Variants in PACS1 observed in about 807,000 individuals in gnomAD.
PACS1 encodes the protein phosphofurin acidic cluster sorting protein 1.
In PACS1, 24 loss-of-function variants were observed where a neutral mutation model predicts 115.0. The observed-to-expected ratio is 0.21, with a 90% CI of 0.15 to 0.29. The LOEUF (loss-of-function observed/expected upper bound fraction) is 0.29, where lower values mean the gene tolerates loss of function less well. PACS1 is among the 10% of genes least tolerant of loss of function. The probability of loss-of-function intolerance (pLI) is 1.00; values close to 1 mark genes in which losing one functional copy is unlikely to be tolerated. For synonymous variants in PACS1, 453 were observed against 504.5 expected (o/e 0.90, Z 1.37); for missense variants, 838 against 1,251.2 (o/e 0.67, Z 4.98).
rs565673155 is a variant in PACS1 at position 66,070,987 on chromosome 11, G to A, written c.356+145G>A. On this transcript the variant is annotated intron_variant, in intron 1 of 23. Coordinates refer to ENST00000320580, the MANE Select transcript of PACS1 (RefSeq NM_018026.4). The surrounding 1 kb of genome is among the most constrained non-coding windows in gnomAD (Gnocchi z 5.9). ...CGGCCTGGCTCCAGCCAGGCCTCCC[G>A]GGACTCCTGCCACGGGGACCCGCCC... 2.4e-6 allele frequency: 2 copies of A among 847,742 alleles called. No homozygotes were observed. Among genetic ancestry groups the A allele is most frequent in the East Asian group, 7.1e-5 (2 of 28,346 alleles). 52.5% of individuals were successfully genotyped at this position (847,742 alleles called of 1,614,324 possible).
chr11:66,157,715 C>A (rs1565127897), intron 1 of PACS1, among the ~76,000 whole-genome samples: 2 of 151,990 alleles, frequency 1.3e-5, no homozygotes, highest in Non-Finnish European at 2.9e-5. Context: ...TCACAGACAC[C>A]ATCTCTGCCC....
chr11:66,080,474 G>A (rs544727623), intron 1 of PACS1, among the ~76,000 whole-genome samples: 3 of 152,182 alleles, frequency 2.0e-5, no homozygotes, highest in Non-Finnish European at 2.9e-5. Flanking sequence ...TGACAGTTGC[G>A]CTGATGCTCG....
At chr11:66,219,615 A>C (rs561337012) in intron 7 of PACS1, 131 bp from the exon 8 acceptor site, 1 of 775,426 alleles carries the variant, frequency 1.3e-6, no homozygotes, top group South Asian at 1.4e-5. Context: ...TGCCAAGGGC[A>C]GAGACCAAGT....
Position 66,230,891 on chromosome 11 carries a change from C to T in PACS1, c.1577C>T (p.Thr526Ile). The T allele has an allele frequency of 6.2e-7, 1 of 1,614,212 alleles. No individual in the cohort carries two copies. The highest frequency in any genetic ancestry group is 1.1e-5 in the South Asian group (1 of 91,088). Residue 526 changes from threonine to isoleucine, a missense_variant, in exon 13 of 24, where the codon ACC becomes ATC. Physicochemically the swap from Thr to Ile is moderately conservative, Grantham distance 89 (BLOSUM62 -1). Coordinates refer to ENST00000320580, the MANE Select transcript of PACS1 (RefSeq NM_018026.4). ...CTCTCCAAGCCCCTAAGTGAGAGGA[C>T]CAACAGTTCCGACAGCGAGCGCTCC... ...RQLSKPLSER[T>I]NSSDSERSPD...
intron 1 of PACS1, among the ~76,000 whole-genome samples, chr11:66,139,004 T>A (rs1415018851): frequency 6.6e-6 from 1 of 151,970 alleles, no homozygotes; most frequent in African/African-American, 2.4e-5. Flanking sequence ...TTAAACAGGT[T>A]CCCCAGGCGA....
chr11:66,231,213 C>T (rs1317217801), intron 13 of PACS1, among the ~76,000 whole-genome samples: 1 of 152,230 alleles, frequency 6.6e-6, no homozygotes, highest in Non-Finnish European at 1.5e-5. Context: ...CTGCGAGTGT[C>T]GATTCCACAC....
chr11:66,084,522 C>T (rs998279095), intron 1 of PACS1, among the ~76,000 whole-genome samples: 4 of 151,122 alleles, frequency 2.6e-5, no homozygotes, highest in Non-Finnish European at 5.9e-5. Flanking sequence ...GCAGGGAGTC[C>T]GGTCAGGGGG....
chr11:66,157,971 T>C (rs1387766997), intron 1 of PACS1, among the ~76,000 whole-genome samples: 1 of 152,232 alleles, frequency 6.6e-6, no homozygotes, highest in African/African-American at 2.4e-5. Flanking sequence ...GCACCTCTTT[T>C]GTTTTTTGAG....
chr11:66,129,387 G>A (rs964018923), intron 1 of PACS1, among the ~76,000 whole-genome samples: 1 of 149,956 alleles, frequency 6.7e-6, no homozygotes, highest in Non-Finnish European at 1.5e-5. Context: ...AGCTGAGATC[G>A]CACCACTGCA....
At chr11:66,207,008 A>T (rs1854955741) in intron 2 of PACS1, among the ~76,000 whole-genome samples, 1 of 152,242 alleles carries the variant, frequency 6.6e-6, no homozygotes, top group South Asian at 2.1e-4. Context: ...ACTAAGCTGC[A>T]GTTGTTATCA....
intron 7 of PACS1, chr11:66,217,032 A>G: frequency 2.1e-6 from 1 of 484,976 alleles, no homozygotes; most frequent in South Asian, 2.3e-5. Flanking sequence ...CTTCTTGTAG[A>G]ATTCAGAACA....
chr11:66,195,088 C>T (rs1267100230), intron 2 of PACS1, among the ~76,000 whole-genome samples: 2 of 151,956 alleles, frequency 1.3e-5, no homozygotes, highest in African/African-American at 4.8e-5. Flanking sequence ...GCCAGGCGTG[C>T]ATGTAGTTCC....
At chr11:66,116,836 G>A (rs1300876902) in intron 1 of PACS1, among the ~76,000 whole-genome samples, 1 of 150,678 alleles carries the variant, frequency 6.6e-6, no homozygotes, top group Non-Finnish European at 1.5e-5. Context: ...TTTGCAGTGA[G>A]CTAAGATCGT....
intron 1 of PACS1, among the ~76,000 whole-genome samples, chr11:66,157,297 C>A (rs1859384350): frequency 6.6e-6 from 1 of 152,048 alleles, no homozygotes; most frequent in African/African-American, 2.4e-5. Context: ...AGAATTTTTC[C>A]CTACAAAATT....
chr11:66,160,581 C>T (rs540436619), intron 1 of PACS1, among the ~76,000 whole-genome samples: 1 of 151,690 alleles, frequency 6.6e-6, no homozygotes, highest in East Asian at 1.9e-4. Context: ...ACTGTATCCT[C>T]AATCTCCTGG....
intron 1 of PACS1, among the ~76,000 whole-genome samples, chr11:66,080,759 A>G (rs1857464121): frequency 6.6e-6 from 1 of 152,216 alleles, no homozygotes; most frequent in Admixed American, 6.5e-5. Context: ...ATTCTTTGCC[A>G]GCTGGAATTA....
intron 1 of PACS1, among the ~76,000 whole-genome samples, chr11:66,120,767 G>C (rs147052162): frequency 6.6e-6 from 1 of 152,282 alleles, no homozygotes; most frequent in African/African-American, 2.4e-5. Context: ...TGGTACCTAA[G>C]TAGTGCCACT....
rs898025935 is a variant in PACS1, at chr11:66,093,190, A to C, written c.356+22348A>C. Among the ~76,000 whole-genome samples, 181 of 152,198 alleles carry C rather than the reference A, an allele frequency of 1.2e-3. 1 individual carries two copies. Among genetic ancestry groups the C allele is most frequent in the Non-Finnish European group, 1.7e-3 (119 of 68,004 alleles). ...ATTTGTTTGTATCCTCTTTTATTTC[A>C]TTGAGCAGTGGTTTGTAGTTCTCCT... On this transcript the variant is annotated intron_variant, in intron 1 of 23. Coordinates refer to ENST00000320580, the MANE Select transcript of PACS1 (RefSeq NM_018026.4).
At chr11:66,162,900 G>A (rs767674260) in intron 1 of PACS1, among the ~76,000 whole-genome samples, 8 of 152,160 alleles carry the variant, frequency 5.3e-5, no homozygotes, top group Non-Finnish European at 1.2e-4. Flanking sequence ...CAATCCTGAT[G>A]GGTATAATAA....
Sources: gnomAD v4.1 joint callset for allele counts (sites outside exome capture counted in the v4.1 genomes callset) on GRCh38, gnomAD v4.1.1 for gene constraint, Gnocchi (gnomAD v3.1) non-coding constraint, MANE v1.5 for transcripts, NCBI Gene and HGNC (gene_info 2026-07-23, HGNC 2026-07-21) for gene names.